The following CADPS variants were observed in gnomAD, a reference collection of about 807,000 sequenced individuals.
CADPS encodes calcium-dependent secretion activator 1.
A neutral mutation model predicts 167.3 loss-of-function variants in CADPS; 57 were observed. The observed-to-expected ratio is 0.34, with a 90% CI of 0.28 to 0.42. The LOEUF (loss-of-function observed/expected upper bound fraction) is 0.42, where lower values mean the gene tolerates loss of function less well. Among genes scored for constraint, CADPS ranks in the 20% least tolerant of loss-of-function variants. CADPS has a pLI of 1.00. For synonymous variants in CADPS, 676 were observed against 635.3 expected (o/e 1.06, Z -0.96); for missense variants, 1,414 against 1,738.1 (o/e 0.81, Z 3.32).
intron 6 of CADPS, among the ~76,000 whole-genome samples, chr3:62,597,762 C>A (rs575786785): frequency 2.6e-5 from 4 of 152,334 alleles, no homozygotes; most frequent in Admixed American, 1.3e-4. Flanking sequence ...TTCCCTTCCA[C>A]CAGGCCTGCA....
intron 12 of CADPS, among the ~76,000 whole-genome samples, chr3:62,533,262 C>T (rs2074080290): frequency 6.6e-6 from 1 of 152,092 alleles, no homozygotes; most frequent in South Asian, 2.1e-4. Context: ...TCTGTTATCC[C>T]TGTTATAAAG....
chr3:62,773,055 G>GA (rs201781478), intron 1 of CADPS, among the ~76,000 whole-genome samples: 1 of 135,644 alleles, frequency 7.4e-6, no homozygotes, highest in African/African-American at 2.5e-5. Flanking sequence ...TAGATAACTG[G>GA]AAAAAAAGTC....
At chr3:62,760,042 C>T (rs143551984) in intron 2 of CADPS, among the ~76,000 whole-genome samples, 144 of 152,216 alleles carry the variant, frequency 9.5e-4, no homozygotes, top group African/African-American at 3.2e-3. Flanking sequence ...AGCAAAAGTA[C>T]TTTCCCTTTT....
intron 3 of CADPS, among the ~76,000 whole-genome samples, chr3:62,741,188 C>T (rs1030342668): frequency 1.3e-5 from 2 of 152,088 alleles, no homozygotes; most frequent in African/African-American, 4.8e-5. Flanking sequence ...GGTACTATCC[C>T]AGCTGTACAA....
intron 1 of CADPS, among the ~76,000 whole-genome samples, chr3:62,823,294 T>C (rs11707381): frequency 0.18 from 27,345 of 152,034 alleles, 2,813 homozygotes; most frequent in Middle Eastern, 0.37. Context: ...TCCTTATAAG[T>C]ACAAAATCCC....
At chr3:62,603,686 C>T (rs952035730) in intron 6 of CADPS, among the ~76,000 whole-genome samples, 1 of 152,190 alleles carries the variant, frequency 6.6e-6, no homozygotes, top group Middle Eastern at 3.2e-3. Flanking sequence ...GCTTCCATCT[C>T]TTTGCTTATA....
At chr3:62,450,864 T>A (rs1041335147) in intron 26 of CADPS, among the ~76,000 whole-genome samples, 1 of 152,168 alleles carries the variant, frequency 6.6e-6, no homozygotes, top group Non-Finnish European at 1.5e-5. Flanking sequence ...ATTCCCATTT[T>A]ACAGTTGAAG....
intron 1 of CADPS, among the ~76,000 whole-genome samples, chr3:62,766,232 G>A (rs895720150): frequency 1.3e-5 from 2 of 151,980 alleles, no homozygotes; most frequent in African/African-American, 2.4e-5. Context: ...AAAATTCATT[G>A]CCTCCTAGTT....
intron 6 of CADPS, among the ~76,000 whole-genome samples, chr3:62,594,134 T>A (rs916009379): frequency 4.0e-5 from 6 of 150,108 alleles, no homozygotes; most frequent in South Asian, 2.1e-4. Flanking sequence ...TTTTTTATTT[T>A]TTTTATTTAT....
At chr3:62,816,683 A>G (rs955275075) in intron 1 of CADPS, among the ~76,000 whole-genome samples, 1 of 151,862 alleles carries the variant, frequency 6.6e-6, no homozygotes, top group East Asian at 1.9e-4. Flanking sequence ...ACCTTAGTGC[A>G]GAACTGTAAG....
intron 8 of CADPS, 109 bp downstream of exon 8, chr3:62,585,076 A>T: frequency 9.8e-7 from 1 of 1,022,188 alleles, no homozygotes; most frequent in Non-Finnish European, 1.5e-6. Flanking sequence ...TGAATTCTTT[A>T]TATTTCCTTC....
At chr3:62,708,849 C>T (rs993503615) in intron 3 of CADPS, among the ~76,000 whole-genome samples, 5 of 151,928 alleles carry the variant, frequency 3.3e-5, no homozygotes, top group Non-Finnish European at 7.4e-5. Context: ...GGAGTAAGAG[C>T]ATTTCGACTT....
At chr3:62,418,152 A>G (rs2050521118) in intron 28 of CADPS, among the ~76,000 whole-genome samples, 1 of 152,116 alleles carries the variant, frequency 6.6e-6, no homozygotes, top group Non-Finnish European at 1.5e-5. Flanking sequence ...ACATTTCTAT[A>G]GTATATAATA....
At chr3:62,454,649 T>A (rs1488052170) in intron 26 of CADPS, among the ~76,000 whole-genome samples, 1 of 152,168 alleles carries the variant, frequency 6.6e-6, no homozygotes, top group Non-Finnish European at 1.5e-5. Flanking sequence ...AGACCTCATA[T>A]ATAAAACTGT....
chr3:62,650,375 A>T (rs1279437652), intron 5 of CADPS, among the ~76,000 whole-genome samples: 2 of 152,204 alleles, frequency 1.3e-5, no homozygotes, highest in Non-Finnish European at 2.9e-5. Context: ...TTTTGCCACA[A>T]TACTAGCCTG....
chr3:62,522,966 G>A (rs1186305685), intron 13 of CADPS, among the ~76,000 whole-genome samples: 2 of 152,138 alleles, frequency 1.3e-5, no homozygotes, highest in African/African-American at 2.4e-5. Flanking sequence ...CATCTGACAC[G>A]GCGGGCATCT....
At chr3:62,728,700 T>G (rs2077194230) in intron 3 of CADPS, among the ~76,000 whole-genome samples, 1 of 151,950 alleles carries the variant, frequency 6.6e-6, no homozygotes, top group African/African-American at 2.4e-5. Context: ...TGACTGCTTG[T>G]GTTTAATATT....
intron 13 of CADPS, among the ~76,000 whole-genome samples, chr3:62,531,922 G>C (rs1408342962): frequency 6.6e-6 from 1 of 152,180 alleles, no homozygotes; most frequent in East Asian, 1.9e-4. Context: ...AAGGTCTAAA[G>C]AAAGAGAGTA....
chr3:62,722,730 C>A (rs1581145177), intron 3 of CADPS, among the ~76,000 whole-genome samples: 2 of 152,210 alleles, frequency 1.3e-5, no homozygotes, highest in African/African-American at 4.8e-5. Context: ...TTAGGCATAA[C>A]CACACATGAA....
Sources: gnomAD v4.1 joint callset for allele counts (sites outside exome capture counted in the v4.1 genomes callset) on GRCh38, gnomAD v4.1.1 for gene constraint, MANE v1.5 for transcripts, NCBI Gene and HGNC (gene_info 2026-07-23, HGNC 2026-07-21) for gene names.